NCAM2: variants seen among roughly 807,000 people sequenced by gnomAD.
NCAM2 encodes the protein N-CAM-2.
A neutral mutation model predicts 98.1 loss-of-function variants in NCAM2; 30 were observed. The observed-to-expected ratio is 0.31, with a 90% CI of 0.23 to 0.41. NCAM2 has a LOEUF of 0.41. Ranked by LOEUF, NCAM2 falls within the 10% of genes least tolerant of loss-of-function variation. The probability of loss-of-function intolerance (pLI) is 1.00; values close to 1 mark genes in which losing one functional copy is unlikely to be tolerated. For synonymous variants in NCAM2, 368 were observed against 342.4 expected (o/e 1.07, Z -0.83); for missense variants, 867 against 1,005.8 (o/e 0.86, Z 1.87).
At chr21:21,090,032 A>G (rs969746836) in intron 1 of NCAM2, among the ~76,000 whole-genome samples, 2 of 152,204 alleles carry the variant, frequency 1.3e-5, no homozygotes, top group East Asian at 1.9e-4. Flanking sequence ...AACCACAACT[A>G]CCCTGCAACG....
intron 8 of NCAM2, among the ~76,000 whole-genome samples, chr21:21,369,946 G>A (rs1033051975): frequency 7.3e-5 from 11 of 151,540 alleles, no homozygotes; most frequent in African/African-American, 1.2e-4. Context: ...TGACTTTGTA[G>A]GGGTACAACT....
At chr21:21,347,208 A>T (rs567112749) in intron 8 of NCAM2, among the ~76,000 whole-genome samples, 1 of 152,162 alleles carries the variant, frequency 6.6e-6, no homozygotes, top group Admixed American at 6.5e-5. Context: ...ATGAGCAACT[A>T]TATGCCAATA....
At position 21,267,267 on chromosome 21, in the gene NCAM2, A is replaced by G. The variant is rs1256783618; in HGVS notation, c.56-13311A>G. On this transcript the variant is annotated intron_variant, in intron 1 of 17. Coordinates refer to ENST00000400546, the MANE Select transcript of NCAM2 (RefSeq NM_004540.5). ...TGGTGACTCCAAGCATACTTGTTAC[A>G]TTATAATAAGCTTTGTTTAGTACAC... is the stretch of plus-strand genomic sequence containing the variant. 7.2e-5 allele frequency among the ~76,000 whole-genome samples: 11 copies of G among 152,190 alleles called. No individual in the cohort carries two copies. The East Asian group carries it at 1.3e-3, about 19-fold the overall frequency.
intron 9 of NCAM2, chr21:21,385,753 G>T (rs1602180221): frequency 1.3e-6 from 1 of 793,264 alleles, no homozygotes; most frequent in East Asian, 6.9e-5. Flanking sequence ...AGTAAGCACT[G>T]GTTACATAGT....
At chr21:21,480,764 A>G (rs1228092505) in intron 15 of NCAM2, among the ~76,000 whole-genome samples, 1 of 152,190 alleles carries the variant, frequency 6.6e-6, no homozygotes, top group Non-Finnish European at 1.5e-5. Context: ...AAATAAAAGA[A>G]CGAAAAATTT....
intron 5 of NCAM2, among the ~76,000 whole-genome samples, chr21:21,298,840 T>C (rs2073596471): frequency 6.6e-6 from 1 of 151,608 alleles, no homozygotes; most frequent in Non-Finnish European, 1.5e-5. Flanking sequence ...CATTGTACTT[T>C]TAATCCCTGA....
chr21:21,173,404 T>A (rs561550888), intron 1 of NCAM2, among the ~76,000 whole-genome samples: 34 of 152,314 alleles, frequency 2.2e-4, no homozygotes, highest in Admixed American at 1.2e-3. Context: ...TTCCGTTTCA[T>A]TTATAAGGTT....
intron 12 of NCAM2, 75 bp downstream of exon 12, chr21:21,432,356 G>A (rs375209856): frequency 7.6e-7 from 1 of 1,319,200 alleles, no homozygotes; most frequent in African/African-American, 1.5e-5. Context: ...GGCTTTTTCG[G>A]TTTCCTCCAA....
At chr21:21,049,501 G>C (rs968120860) in intron 1 of NCAM2, among the ~76,000 whole-genome samples, 1 of 151,594 alleles carries the variant, frequency 6.6e-6, no homozygotes, top group Non-Finnish European at 1.5e-5. Flanking sequence ...ATTAGAGTCA[G>C]CCACTGACTA....
rs145649625 is a variant in NCAM2, at chr21:21,290,793, G to A, written c.482-1311G>A. On this transcript the variant is annotated intron_variant, in intron 4 of 17. Coordinates refer to ENST00000400546, the MANE Select transcript of NCAM2 (RefSeq NM_004540.5). Reference sequence around the variant, plus strand: ...TCTTCTATTTGTTATTTCTAGCCCCGACTTCTCCCCTCTCATTAAGGAACG... The same window carrying A: ...TCTTCTATTTGTTATTTCTAGCCCCAACTTCTCCCCTCTCATTAAGGAACG... Among the ~76,000 whole-genome samples, 16 of 151,668 alleles carry A rather than the reference G, an allele frequency of 1.1e-4. No homozygotes were observed. In the East Asian group the frequency reaches 2.1e-3, roughly 20 times the overall value.
At chr21:21,205,814 C>T (rs898699780) in intron 1 of NCAM2, among the ~76,000 whole-genome samples, 13 of 151,934 alleles carry the variant, frequency 8.6e-5, no homozygotes, top group African/African-American at 1.5e-4. Flanking sequence ...TGGTATCTGG[C>T]GAGGATCAGT....
chr21:21,299,085 A>T (rs768381000), intron 5 of NCAM2, among the ~76,000 whole-genome samples: 1 of 151,718 alleles, frequency 6.6e-6, no homozygotes, highest in African/African-American at 2.4e-5. Context: ...CATTTCATAG[A>T]ATCAATCAGT....
At chr21:21,450,667 C>G (rs946782610) in intron 12 of NCAM2, among the ~76,000 whole-genome samples, 4 of 151,970 alleles carry the variant, frequency 2.6e-5, no homozygotes, top group Non-Finnish European at 4.4e-5. Flanking sequence ...TATCTTTTCT[C>G]TACATAAATA....
intron 1 of NCAM2, among the ~76,000 whole-genome samples, chr21:21,241,421 G>C (rs527302035): frequency 6.6e-6 from 1 of 152,164 alleles, no homozygotes; most frequent in African/African-American, 2.4e-5. Flanking sequence ...GAATTATATA[G>C]CATATAAATT....
At chr21:21,445,553 C>A (rs1011256385) in intron 12 of NCAM2, among the ~76,000 whole-genome samples, 3 of 152,112 alleles carry the variant, frequency 2.0e-5, no homozygotes, top group African/African-American at 7.2e-5. Context: ...ATAGTTAGCT[C>A]TTCTCGTTGA....
intron 8 of NCAM2, among the ~76,000 whole-genome samples, chr21:21,342,870 G>T (rs748788151): frequency 1.2e-4 from 19 of 152,088 alleles, no homozygotes; most frequent in Non-Finnish European, 1.9e-4. Flanking sequence ...GCTTGTAGAT[G>T]AGGAAACTGA....
chr21:21,022,208 T>A (rs2064452259), intron 1 of NCAM2, among the ~76,000 whole-genome samples: 1 of 151,996 alleles, frequency 6.6e-6, no homozygotes, highest in African/African-American at 2.4e-5. Context: ...CCAAGTGTTT[T>A]AAAAAAATAC....
chr21:21,343,107 C>A (rs2147897924), intron 8 of NCAM2, among the ~76,000 whole-genome samples: 1 of 152,220 alleles, frequency 6.6e-6, no homozygotes, highest in African/African-American at 2.4e-5. Context: ...TGTTTATAAT[C>A]TGATATTACT....
intron 5 of NCAM2, among the ~76,000 whole-genome samples, chr21:21,306,904 G>C (rs1218020172): frequency 7.0e-6 from 1 of 142,946 alleles, no homozygotes; most frequent in Non-Finnish European, 1.5e-5. Context: ...GAATTCAATT[G>C]CTTTGATGTT....
Sources: gnomAD v4.1 joint callset for allele counts (sites outside exome capture counted in the v4.1 genomes callset) on GRCh38, gnomAD v4.1.1 for gene constraint, MANE v1.5 for transcripts, NCBI Gene and HGNC (gene_info 2026-07-23, HGNC 2026-07-21) for gene names.